OSBPL10: variants seen among roughly 807,000 people sequenced by gnomAD.
OSBPL10 encodes oxysterol binding protein like 10.
OSBPL10 carries 49 observed loss-of-function variants against 81.7 expected under a neutral mutation model. The ratio of observed to expected loss-of-function variants is 0.60; its 90% CI spans 0.48 to 0.76. OSBPL10 has a LOEUF of 0.76. Ranked by LOEUF, OSBPL10 falls within the 30% of genes least tolerant of loss-of-function variation. The pLI, the probability that OSBPL10 is intolerant of heterozygous loss-of-function variation, is 0.00. For missense variants in OSBPL10, 923 were observed against 987.8 expected (o/e 0.93, Z 0.88); for synonymous variants, 419 against 383.6 (o/e 1.09, Z -1.08).
intron 4 of OSBPL10, among the ~76,000 whole-genome samples, chr3:31,824,523 G>A (rs1387312403): frequency 6.6e-6 from 1 of 152,148 alleles, no homozygotes; most frequent in Non-Finnish European, 1.5e-5. Context: ...AAGAGCACTG[G>A]AAACGATCGC....
At chr3:31,800,399 G>A (rs1358636032) in intron 4 of OSBPL10, among the ~76,000 whole-genome samples, 3 of 152,210 alleles carry the variant, frequency 2.0e-5, no homozygotes, top group Admixed American at 6.5e-5. Context: ...GATAATTCTC[G>A]GCAAGCAGTT....
Position 32,062,810 on chromosome 3 carries a change from C to T in OSBPL10, n.185+14586G>A, listed in dbSNP as rs1350152795. 2.1e-5 allele frequency among the ~76,000 whole-genome samples: 2 copies of T among 94,540 alleles called. 1 individual carries two copies. The highest frequency in any genetic ancestry group is 5.7e-5 in the Non-Finnish European group (2 of 35,110). The allele number at this position is 94,540 out of a possible 152,430, so 62.0% of individuals were successfully genotyped here. A position where few individuals can be genotyped will look rare whatever the true frequency, so the allele number is the denominator to read the frequency against. On this transcript the variant is annotated intron_variant and non_coding_transcript_variant, in intron 1 of 3. Coordinates refer to the OSBPL10 transcript ENST00000479173. ...AATCCTTAATCTCCTATTTTTATCCCCCAACAGGTTTTGCAAATCTTTGAA... is the reference window on the plus strand; with the variant it reads ...AATCCTTAATCTCCTATTTTTATCCTCCAACAGGTTTTGCAAATCTTTGAA...
chr3:31,758,129 C>T (rs185650449), intron 4 of OSBPL10, among the ~76,000 whole-genome samples: 23 of 152,320 alleles, frequency 1.5e-4, no homozygotes, highest in African/African-American at 5.3e-4. Context: ...AATCTGCCTT[C>T]CCCTCACCCT....
At chr3:32,003,844 A>T (rs1459977063) in intron 2 of OSBPL10, among the ~76,000 whole-genome samples, 1 of 152,162 alleles carries the variant, frequency 6.6e-6, no homozygotes, top group African/African-American at 2.4e-5. Context: ...AAGGTGGAAA[A>T]GGGAGAACAG....
At chr3:31,667,779 G>C (rs1338406355) in intron 10 of OSBPL10, among the ~76,000 whole-genome samples, 1 of 152,218 alleles carries the variant, frequency 6.6e-6, no homozygotes, top group African/African-American at 2.4e-5. Flanking sequence ...TCATGGCTGT[G>C]TTCCAATAAA....
chr3:31,957,425 C>T (rs937633793), intron 1 of OSBPL10, among the ~76,000 whole-genome samples: 4 of 152,138 alleles, frequency 2.6e-5, no homozygotes, highest in Non-Finnish European at 2.9e-5. Context: ...CTGGCGAACA[C>T]CATTTTTAGT....
chr3:31,761,741 G>A (rs1406285855), intron 4 of OSBPL10, among the ~76,000 whole-genome samples: 2 of 149,266 alleles, frequency 1.3e-5, no homozygotes, highest in Non-Finnish European at 2.9e-5. Flanking sequence ...CTTGAACCCA[G>A]GAGGTGGAGG....
At chr3:31,914,070 G>A (rs1030805057) in intron 1 of OSBPL10, among the ~76,000 whole-genome samples, 16 of 152,158 alleles carry the variant, frequency 1.1e-4, no homozygotes, top group Non-Finnish European at 1.6e-4. Context: ...ATAGGCACCC[G>A]CCACCACACC....
At chr3:32,016,063 A>T (rs1249170588) in intron 2 of OSBPL10, among the ~76,000 whole-genome samples, 2 of 152,200 alleles carry the variant, frequency 1.3e-5, no homozygotes, top group African/African-American at 4.8e-5. Context: ...CTAGAACTAG[A>T]AATACCATTT....
intron 4 of OSBPL10, among the ~76,000 whole-genome samples, chr3:31,759,777 TC>T (rs759867736): frequency 6.6e-6 from 1 of 152,226 alleles, no homozygotes; most frequent in East Asian, 1.9e-4. Flanking sequence ...CTTTTTTTTT[TC>T]CCCAAGAGTC....
intron 2 of OSBPL10, among the ~76,000 whole-genome samples, chr3:31,877,530 A>AAT (rs1701507902): frequency 6.6e-6 from 1 of 152,186 alleles, no homozygotes; most frequent in African/African-American, 2.4e-5. Context: ...TAATCACATA[A>AAT]ATAACTGCAT....
chr3:31,741,095 G>A (rs1288834397), intron 5 of OSBPL10, among the ~76,000 whole-genome samples: 1 of 152,040 alleles, frequency 6.6e-6, no homozygotes, highest in East Asian at 1.9e-4. Flanking sequence ...GCCCCTGCAA[G>A]GTCTTTCCTC....
At chr3:31,901,927 G>A (rs2125678082) in intron 1 of OSBPL10, among the ~76,000 whole-genome samples, 1 of 152,256 alleles carries the variant, frequency 6.6e-6, no homozygotes, top group South Asian at 2.1e-4. Context: ...CTACTTGGAA[G>A]GCTGAGACAG....
chr3:31,926,474 C>T (rs1383650596), intron 1 of OSBPL10, among the ~76,000 whole-genome samples: 4 of 152,038 alleles, frequency 2.6e-5, no homozygotes, highest in African/African-American at 4.8e-5. Context: ...GTTGAGAAGC[C>T]GTGGAATAAA....
intron 1 of OSBPL10, among the ~76,000 whole-genome samples, chr3:31,914,509 G>A (rs1696690254): frequency 6.6e-6 from 1 of 152,160 alleles, no homozygotes; most frequent in Non-Finnish European, 1.5e-5. Context: ...TATATCTCAT[G>A]TGACTAGCAT....
intron 1 of OSBPL10, among the ~76,000 whole-genome samples, chr3:31,951,522 A>G (rs1697868917): frequency 2.0e-5 from 3 of 151,944 alleles, no homozygotes; most frequent in Admixed American, 2.0e-4. Context: ...TAGTGGTTAT[A>G]TTATCCTTCC....
In OSBPL10 at chr3:31,743,896, A is replaced by G. The variant is rs566206299; in HGVS notation, c.940+4014T>C. 2.6e-5 allele frequency among the ~76,000 whole-genome samples: 4 copies of G among 152,346 alleles called. No homozygotes were observed. In the South Asian group the frequency reaches 6.2e-4, roughly 24 times the overall value. ...TGTGTGTCAGGCAGCTGCTATAGCA[A>G]CTATCAACCCTGAGAGCCCCAAGTG... On this transcript the variant is annotated intron_variant, in intron 5 of 11. Coordinates refer to ENST00000396556, the MANE Select transcript of OSBPL10 (RefSeq NM_017784.5).
chr3:31,885,394 C>T (rs1293183819), intron 1 of OSBPL10, among the ~76,000 whole-genome samples: 5 of 152,168 alleles, frequency 3.3e-5, no homozygotes, highest in African/African-American at 1.2e-4. Context: ...CTTGAAGGTG[C>T]ATTTGCATAT....
At chr3:31,667,984 G>A (rs138294168) in intron 10 of OSBPL10, among the ~76,000 whole-genome samples, 2,420 of 152,276 alleles carry the variant, frequency 0.016, 66 homozygotes, top group African/African-American at 0.055. Context: ...TGGATACTTC[G>A]TAATTTACTT....
Sources: gnomAD v4.1 joint callset for allele counts (sites outside exome capture counted in the v4.1 genomes callset) on GRCh38, gnomAD v4.1.1 for gene constraint, MANE v1.5 for transcripts, NCBI Gene and HGNC (gene_info 2026-07-23, HGNC 2026-07-21) for gene names.